LGSN: variants seen among roughly 807,000 people sequenced by gnomAD.
LGSN encodes lengsin.
A neutral mutation model predicts 19.5 loss-of-function variants in LGSN; 21 were observed. The ratio of observed to expected loss-of-function variants is 1.07; its 90% CI spans 0.76 to 1.55. The LOEUF (loss-of-function observed/expected upper bound fraction) is 1.55. LGSN is among the 40% of genes most tolerant of loss of function. The pLI, the probability that LGSN is intolerant of heterozygous loss-of-function variation, is 0.00. For missense variants in LGSN, 673 were observed against 608.5 expected (o/e 1.11, Z -1.12); for synonymous variants, 257 against 215.6 (o/e 1.19, Z -1.68).
the LGSN span, chr6:63,549,237 G>A: frequency 2.7e-6 from 2 of 737,882 alleles, no homozygotes; most frequent in South Asian, 2.8e-5. Context: ...CAGAGCAGCT[G>A]TTTGGTGGTC....
the LGSN span, among the ~76,000 whole-genome samples, chr6:63,335,454 AACAATAAAAAAT>A: frequency 6.6e-6 from 1 of 152,226 alleles, no homozygotes; most frequent in African/African-American, 2.4e-5. Context: ...AAAACAGCTC[AACAATAAAAAAT>A]ACAATAATGC....
At chr6:63,431,644 T>A in the LGSN span, among the ~76,000 whole-genome samples, 1 of 150,766 alleles carries the variant, frequency 6.6e-6, no homozygotes, top group South Asian at 2.1e-4. Context: ...ATTGCCAAAA[T>A]TTTTAAATTA....
At chr6:63,416,863 T>A in the LGSN span, among the ~76,000 whole-genome samples, 2 of 152,062 alleles carry the variant, frequency 1.3e-5, no homozygotes, top group Middle Eastern at 3.4e-3. Flanking sequence ...CCACCGCACC[T>A]GGCCTAAGTA....
chr6:63,566,298 C>T, the LGSN span, among the ~76,000 whole-genome samples: 1 of 152,146 alleles, frequency 6.6e-6, no homozygotes, highest in East Asian at 1.9e-4. Flanking sequence ...TTGTGATGGA[C>T]AGCAAGAGAA....
intron 2 of LGSN, 86 bp from the exon 3 acceptor site, chr6:63,285,839 A>G: frequency 1.0e-6 from 1 of 992,550 alleles, no homozygotes; most frequent in Non-Finnish European, 1.5e-6. Context: ...GAATTAGTCA[A>G]TATTATTAAC....
the LGSN span, among the ~76,000 whole-genome samples, chr6:63,560,277 A>C: frequency 6.7e-6 from 1 of 150,112 alleles, no homozygotes; most frequent in Admixed American, 6.6e-5. Context: ...AGCAGAGGTT[A>C]AAGTGAGCTG....
intron 1 of LGSN, among the ~76,000 whole-genome samples, chr6:63,316,559 AGTTTT>A (rs1405014836): frequency 6.6e-6 from 1 of 152,108 alleles, no homozygotes; most frequent in Non-Finnish European, 1.5e-5. Context: ...GGAAGCAAAA[AGTTTT>A]GTTTTATTTA....
the LGSN span, among the ~76,000 whole-genome samples, chr6:63,327,683 G>A: frequency 0.28 from 42,497 of 152,076 alleles, 6,801 homozygotes; most frequent in African/African-American, 0.42. Flanking sequence ...CTGGGTAGAT[G>A]GACATTTACC....
chr6:63,420,120 G>A, the LGSN span, among the ~76,000 whole-genome samples: 5 of 151,146 alleles, frequency 3.3e-5, no homozygotes, highest in East Asian at 7.9e-4. Context: ...GGAGAATGGC[G>A]TGAACTCGGG....
At position 63,277,990 on chromosome 6, in the gene LGSN, C is replaced by A. The variant is rs1582011717; in HGVS notation, c.*2031G>T. The stretch of plus-strand genomic sequence containing the variant: ...TTGGGAGGCTGAGGCAGGAGAATTA[C>A]TTGAACCCAGGGGGCAGAGGTTGCA... On this transcript the variant is annotated 3_prime_UTR_variant, in exon 4 of 4. Transcript: ENST00000370657. 1 of 151,672 alleles carries A rather than the reference C, an allele frequency of 6.6e-6. No homozygotes were observed. The highest frequency in any genetic ancestry group is 1.9e-4 in the East Asian group (1 of 5,154). 9.4% of individuals were successfully genotyped at this position (151,672 alleles called of 1,614,324 possible).
chr6:63,314,321 C>T (rs1427277322), intron 1 of LGSN, among the ~76,000 whole-genome samples: 3 of 152,144 alleles, frequency 2.0e-5, no homozygotes, highest in Non-Finnish European at 4.4e-5. Flanking sequence ...GTACATCTAC[C>T]AGCCAGAAAG....
chr6:63,397,981 T>G, the LGSN span, among the ~76,000 whole-genome samples: 3 of 151,700 alleles, frequency 2.0e-5, no homozygotes, highest in Non-Finnish European at 4.4e-5. Flanking sequence ...GCTGAAAAAA[T>G]TTTATTGCCT....
chr6:63,533,107 C>T, the LGSN span, among the ~76,000 whole-genome samples: 8 of 152,240 alleles, frequency 5.3e-5, no homozygotes, highest in South Asian at 6.2e-4. Context: ...TAAGGCTGGG[C>T]GAGGTGGCTC....
chr6:63,441,706 C>A, the LGSN span: 1 of 436,298 alleles, frequency 2.3e-6, no homozygotes, highest in Admixed American at 2.7e-5. Flanking sequence ...GGGAGCAGAT[C>A]ATACCTACCA....
the LGSN span, among the ~76,000 whole-genome samples, chr6:63,386,363 T>C: frequency 4.0e-4 from 61 of 152,328 alleles, no homozygotes; most frequent in African/African-American, 1.4e-3. Flanking sequence ...AGAATATCAT[T>C]GACTTTCAGA....
At chr6:63,417,366 T>C in the LGSN span, among the ~76,000 whole-genome samples, 2 of 152,098 alleles carry the variant, frequency 1.3e-5, no homozygotes, top group Admixed American at 1.3e-4. Flanking sequence ...AGTTTCAGCT[T>C]TTCAGGGCCC....
chr6:63,474,334 C>A, the LGSN span, among the ~76,000 whole-genome samples: 1 of 152,252 alleles, frequency 6.6e-6, no homozygotes, highest in African/African-American at 2.4e-5. Flanking sequence ...ACGGGACGGG[C>A]GCAGTGGTTC....
chr6:63,550,226 C>T, the LGSN span: 1 of 151,888 alleles, frequency 6.6e-6, no homozygotes, highest in Non-Finnish European at 1.5e-5. Context: ...TTCATGAGCC[C>T]CTCCCTGGAT....
the LGSN span, among the ~76,000 whole-genome samples, chr6:63,471,500 T>C: frequency 6.6e-6 from 1 of 151,574 alleles, no homozygotes; most frequent in Admixed American, 6.6e-5. Context: ...ACCCTGTGTC[T>C]ACTAAAAATA....
Sources: gnomAD v4.1 joint callset for allele counts (sites outside exome capture counted in the v4.1 genomes callset) on GRCh38, gnomAD v4.1.1 for gene constraint, MANE v1.5 for transcripts, NCBI Gene and HGNC (gene_info 2026-07-23, HGNC 2026-07-21) for gene names.